ANO4: variants seen among roughly 807,000 people sequenced by gnomAD.
ANO4 encodes anoctamin-4.
A neutral mutation model predicts 141.9 loss-of-function variants in ANO4; 69 were observed. The observed-to-expected ratio is 0.49, with a 90% confidence interval of 0.40 to 0.59. ANO4 has a LOEUF of 0.59. Ranked by LOEUF, ANO4 falls within the 20% of genes least tolerant of loss-of-function variation. The probability of loss-of-function intolerance (pLI) is 0.00; values close to 1 mark genes in which losing one functional copy is unlikely to be tolerated. For missense variants in ANO4, 894 were observed against 1,162.2 expected (o/e 0.77, Z 3.36); for synonymous variants, 350 against 394.3 (o/e 0.89, Z 1.33).
At chr12:100,725,172 A>C (rs1367854732) in intron 1 of ANO4, among the ~76,000 whole-genome samples, 1 of 152,116 alleles carries the variant, frequency 6.6e-6, no homozygotes, top group Non-Finnish European at 1.5e-5. Context: ...GTATATAAGC[A>C]GGCTTGTAAT....
At chr12:100,897,532 T>C (rs1352037270) in intron 1 of ANO4, among the ~76,000 whole-genome samples, 1 of 152,168 alleles carries the variant, frequency 6.6e-6, no homozygotes, top group Non-Finnish European at 1.5e-5. Context: ...ACACCTGCCC[T>C]ATGGAAAGTA....
chr12:101,070,718 G>C (rs2048776030), intron 14 of ANO4, among the ~76,000 whole-genome samples: 1 of 152,038 alleles, frequency 6.6e-6, no homozygotes, highest in South Asian at 2.1e-4. Flanking sequence ...AACATGAAGA[G>C]ACAACCCACA....
intron 2 of ANO4, among the ~76,000 whole-genome samples, chr12:100,919,698 GTGTGTGTA>G (rs1345010421): frequency 4.5e-5 from 6 of 134,120 alleles, no homozygotes; most frequent in African/African-American, 1.1e-4. Flanking sequence ...GTGTGTGTGT[GTGTGTGTA>G]TGTATGTATG....
rs2048713014 is a variant in ANO4 at position 101,069,210 on chromosome 12, G to A, written c.1313-9983G>A. On this transcript the variant is annotated intron_variant, in intron 14 of 27. Transcript: ENST00000392977. ...AACAGTGTCTCCCTTTTGCAGAGCT[G>A]TATTGACTTGTTCAAGAATAACTGA... The A allele has an allele frequency of 1.6e-5, 20 of 1,286,990 alleles. No homozygotes were observed. In the South Asian group the frequency reaches 2.0e-4, roughly 13 times the overall value. The allele number at this position is 1,286,990 out of a possible 1,614,324, so 79.7% of individuals were successfully genotyped here. A position where few individuals can be genotyped will look rare whatever the true frequency, so the allele number is the denominator to read the frequency against.
chr12:100,913,869 G>C (rs1169554813), intron 2 of ANO4, among the ~76,000 whole-genome samples: 2 of 152,144 alleles, frequency 1.3e-5, no homozygotes, highest in Non-Finnish European at 2.9e-5. Flanking sequence ...CATTTCGCAA[G>C]GGCAATATTC....
chr12:101,000,454 T>C lies in ANO4; in HGVS notation c.734+12784T>C, dbSNP rs547137533. ...AACTGAAGAGTTTTTTTTATTGTTT[T>C]CATCGATCTGAAATCTTTAGAGAAT... On this transcript the variant is annotated intron_variant, in intron 8 of 27. Transcript: ENST00000392977. Among the ~76,000 whole-genome samples, 18 of 152,344 alleles carry C rather than the reference T, an allele frequency of 1.2e-4. No homozygotes were observed. In the South Asian group the frequency reaches 2.9e-3, roughly 25 times the overall value.
intron 5 of ANO4, among the ~76,000 whole-genome samples, chr12:100,961,016 A>G (rs1180241315): frequency 6.6e-6 from 1 of 152,216 alleles, no homozygotes; most frequent in Non-Finnish European, 1.5e-5. Flanking sequence ...TTTCTCTCCC[A>G]ATAGATAGTA....
chr12:100,828,318 A>G lies in ANO4; in HGVS notation c.-141+33291A>G, dbSNP rs146096648. Among the ~76,000 whole-genome samples, 61 of 152,062 alleles carry G rather than the reference A, an allele frequency of 4.0e-4. 1 individual carries two copies. The highest frequency in any genetic ancestry group is 1.3e-3 in the African/African-American group (55 of 41,520). ...TTCTTGCTTTTAGGAACTGTGTTTA[A>G]TCATGGAAACCTCATTCCTATTTTC... On this transcript the variant is annotated intron_variant, in intron 1 of 27. Coordinates refer to ENST00000392977, the MANE Select transcript of ANO4 (RefSeq NM_001286615.2).
chr12:100,904,885 T>C (rs1318357383), intron 2 of ANO4, among the ~76,000 whole-genome samples: 1 of 152,206 alleles, frequency 6.6e-6, no homozygotes, highest in African/African-American at 2.4e-5. Flanking sequence ...TGATGGTAGC[T>C]CTGACTAGGA....
intron 18 of ANO4, among the ~76,000 whole-genome samples, chr12:101,095,870 C>T (rs970861770): frequency 2.6e-5 from 4 of 152,132 alleles, no homozygotes; most frequent in African/African-American, 7.2e-5. Flanking sequence ...CCATTATGTC[C>T]AGAGAACATT....
chr12:101,010,546 T>C (rs1412688112), intron 8 of ANO4, among the ~76,000 whole-genome samples: 1 of 152,208 alleles, frequency 6.6e-6, no homozygotes, highest in African/African-American at 2.4e-5. Context: ...TTAGATATTG[T>C]GCTGCAGTTG....
chr12:100,907,358 C>G (rs1339704283), intron 2 of ANO4, among the ~76,000 whole-genome samples: 1 of 152,170 alleles, frequency 6.6e-6, no homozygotes, highest in African/African-American at 2.4e-5. Flanking sequence ...TCTACTAGCC[C>G]TTCTCATTCC....
chr12:101,109,063 A>G (rs111328625), intron 22 of ANO4, among the ~76,000 whole-genome samples: 1 of 152,108 alleles, frequency 6.6e-6, no homozygotes, highest in Non-Finnish European at 1.5e-5. Context: ...TGATCTTGAC[A>G]TATTTGCAGA....
At chr12:100,956,194 A>T (rs1592831264) in intron 5 of ANO4, among the ~76,000 whole-genome samples, 1 of 152,214 alleles carries the variant, frequency 6.6e-6, no homozygotes, top group East Asian at 1.9e-4. Flanking sequence ...AATAAGAATC[A>T]TCTCAATGCC....
intron 1 of ANO4, among the ~76,000 whole-genome samples, chr12:100,889,871 G>A (rs1344027697): frequency 6.6e-6 from 1 of 152,122 alleles, no homozygotes; most frequent in African/African-American, 2.4e-5. Context: ...AGGACTGACT[G>A]AATAAATAAA....
chr12:100,784,964 C>G (rs916626154), intron 3 of ANO4, among the ~76,000 whole-genome samples: 3 of 151,568 alleles, frequency 2.0e-5, no homozygotes, highest in Non-Finnish European at 2.9e-5. Context: ...CTTCTATTCT[C>G]TCTCTCTCTT....
At chr12:100,879,935 GA>G (rs1305497653) in intron 1 of ANO4, among the ~76,000 whole-genome samples, 1 of 152,202 alleles carries the variant, frequency 6.6e-6, no homozygotes, top group Non-Finnish European at 1.5e-5. Context: ...GGGAGTTGGG[GA>G]AGACACTCCA....
chr12:101,048,698 A>C (rs2047737755), intron 14 of ANO4, among the ~76,000 whole-genome samples: 1 of 152,206 alleles, frequency 6.6e-6, no homozygotes, highest in South Asian at 2.1e-4. Context: ...AGTTTAGGTC[A>C]GGGGAGAACT....
At chr12:100,931,989 C>CTT (rs71437001) in intron 3 of ANO4, among the ~76,000 whole-genome samples, 19 of 137,890 alleles carry the variant, frequency 1.4e-4, no homozygotes, top group South Asian at 4.5e-4. Context: ...CGGAGGTGTT[C>CTT]TTTTTTTTTT....
Sources: allele counts gnomAD v4.1 joint callset (sites outside exome capture counted in the v4.1 genomes callset), GRCh38; gene constraint gnomAD v4.1.1; transcripts MANE v1.5; gene names NCBI Gene and HGNC (gene_info 2026-07-23, HGNC 2026-07-21).